CNTRL: variants seen among roughly 807,000 people sequenced by gnomAD.
CNTRL encodes the protein centriolin, also known as 110 kDa centrosomal protein.
CNTRL carries 233 observed loss-of-function variants against 303.7 expected under a neutral mutation model. That is an observed-to-expected ratio of 0.77 (90% CI 0.69 to 0.86). The LOEUF is 0.86. Among genes scored for constraint, CNTRL ranks in the 40% least tolerant of loss-of-function variants. The pLI, the probability that CNTRL is intolerant of heterozygous loss-of-function variation, is 0.00. For synonymous variants in CNTRL, 900 were observed against 922.2 expected (o/e 0.98, Z 0.44); for missense variants, 2,524 against 2,650.6 (o/e 0.95, Z 1.05).
intron 23 of CNTRL, among the ~76,000 whole-genome samples, chr9:121,147,546 A>T (rs78337196): frequency 1.1e-3 from 167 of 152,230 alleles, no homozygotes; most frequent in East Asian, 7.7e-4. Context: ...GGGAAAGAGG[A>T]GATGAGATTA....
rs138624859 is a variant in CNTRL at position 121,163,259 on chromosome 9, G to A, written c.5423+988G>A. 7.2e-3 allele frequency among the ~76,000 whole-genome samples: 1,085 copies of A among 150,308 alleles called. 11 individuals are homozygous for A. Among genetic ancestry groups the A allele is most frequent in the African/African-American group, 0.025 (1,024 of 41,180 alleles). On this transcript the variant is annotated intron_variant, in intron 34 of 43. Transcript: ENST00000373855. ...TGTTTGAGCCAGGGAGATTGAGGCT[G>A]CAGTGAGCCATAATGATACCATTGC...
chr9:121,148,147 A>G (rs899325133), intron 23 of CNTRL, among the ~76,000 whole-genome samples: 1 of 152,218 alleles, frequency 6.6e-6, no homozygotes, highest in Non-Finnish European at 1.5e-5. Context: ...TCTCATCACT[A>G]TGGAGAACTT....
Position 121,167,609 on chromosome 9 carries a change from C to G in CNTRL, c.5776C>G (p.Gln1926Glu), listed in dbSNP as rs2053146749. ...CTGTCAGAAAGAAGAGGAGACAAAA[C>G]AACAACAACTTCAAGTGCTTCAGAA... is the stretch of plus-strand genomic sequence containing the variant. Reference protein sequence around the residue: ...EDCQKEEETKQQQLQVLQNEI... With the variant: ...EDCQKEEETKEQQLQVLQNEI... The change falls in exon 37 of 44, where the codon CAA becomes GAA. Residue 1926 changes from glutamine to glutamate, a missense_variant. Coordinates refer to ENST00000373855, the MANE Select transcript of CNTRL (RefSeq NM_007018.6). 1 of 1,613,908 alleles carries G rather than the reference C, an allele frequency of 6.2e-7. No individual in the cohort carries two copies. Among genetic ancestry groups the G allele is most frequent in the Admixed American group, 1.7e-5 (1 of 59,990 alleles).
intron 42 of CNTRL, among the ~76,000 whole-genome samples, 198 bp from the exon 43 acceptor site, chr9:121,174,820 G>C (rs999869132): frequency 2.6e-5 from 4 of 152,120 alleles, no homozygotes; most frequent in Admixed American, 2.6e-4. Context: ...CCCCGTTAAT[G>C]ACAACACAGA....
In CNTRL at chr9:121,171,582, G is replaced by A; in HGVS notation, c.6417+34G>A. 3.1e-6 allele frequency: 5 copies of A among 1,604,260 alleles called. No homozygotes were observed. The South Asian group carries it at 5.6e-5, about 18-fold the overall frequency. ...CCAGAAAGCCCAGCTGGCCAGCCTG[G>A]GGAGAGAGGACTCACTGGGCTCAGG... On this transcript the variant is annotated intron_variant, in intron 40 of 43. Coordinates refer to ENST00000373855, the MANE Select transcript of CNTRL (RefSeq NM_007018.6).
chr9:121,143,245 A>G (rs146030462), intron 19 of CNTRL, among the ~76,000 whole-genome samples: 2 of 152,178 alleles, frequency 1.3e-5, no homozygotes, highest in East Asian at 1.9e-4. Context: ...TCCAAGTCCT[A>G]TTGAATCCAT....
chr9:121,121,944 A>G (rs2133388840), intron 12 of CNTRL: 1 of 984,790 alleles, frequency 1.0e-6, no homozygotes, highest in Non-Finnish European at 1.2e-6. Flanking sequence ...GATAAATTTT[A>G]AGTTAAGGTA....
intron 15 of CNTRL, among the ~76,000 whole-genome samples, chr9:121,137,894 A>G (rs2133912520): frequency 6.6e-6 from 1 of 152,204 alleles, no homozygotes; most frequent in East Asian, 1.9e-4. Flanking sequence ...TGGCCTTTTC[A>G]CCAATTCACT....
intron 7 of CNTRL, among the ~76,000 whole-genome samples, chr9:121,101,680 A>G (rs2049176778): frequency 6.6e-6 from 1 of 152,172 alleles, no homozygotes; most frequent in Non-Finnish European, 1.5e-5. Flanking sequence ...GAAAAGAGAG[A>G]AGAATCAAAT....
At chr9:121,077,406 C>A (rs1007783775) in intron 1 of CNTRL, among the ~76,000 whole-genome samples, 1 of 151,942 alleles carries the variant, frequency 6.6e-6, no homozygotes, top group African/African-American at 2.4e-5. Context: ...CACCTCCAGG[C>A]AGTAGCCTAA....
Position 121,074,966 on chromosome 9 carries a change from C to T in CNTRL, c.-306C>T. 1 of 456,234 alleles carries T rather than the reference C, an allele frequency of 2.2e-6. No individual in the cohort carries two copies. Among genetic ancestry groups the T allele is most frequent in the South Asian group, 1.5e-5 (1 of 64,554 alleles). The allele number at this position is 456,234 out of a possible 1,614,324, so 28.3% of individuals were successfully genotyped here. ...CGCGGCCCCTCGGCAACCGGCACAA[C>T]ACAACAAAATGGCTGCCGCGCCGCT... On this transcript the variant is annotated 5_prime_UTR_variant, in exon 1 of 44. Transcript: ENST00000373855.
At chr9:121,132,627 A>G (rs2050933184) in intron 14 of CNTRL, among the ~76,000 whole-genome samples, 1 of 152,150 alleles carries the variant, frequency 6.6e-6, no homozygotes, top group Non-Finnish European at 1.5e-5. Flanking sequence ...TCTGAAGCCT[A>G]CTTCTGTCAG....
At chr9:121,114,515 G>A (rs940118260) in intron 10 of CNTRL, among the ~76,000 whole-genome samples, 19 of 152,266 alleles carry the variant, frequency 1.2e-4, no homozygotes, top group Admixed American at 8.5e-4. Flanking sequence ...AGGCTCTGGG[G>A]GAAAGCAAAA....
At position 121,144,920 on chromosome 9, in the gene CNTRL, C is replaced by A. The variant is rs767577826; in HGVS notation, c.3129C>A (p.Ile1043=). 6.2e-7 allele frequency: 1 copy of A among 1,613,496 alleles called. No homozygotes were observed. Among genetic ancestry groups the A allele is most frequent in the South Asian group, 1.1e-5 (1 of 91,012 alleles). The change falls in exon 21 of 44, where the codon ATC becomes ATA. Residue 1043 remains isoleucine (I), a synonymous_variant. Coordinates refer to ENST00000373855, the MANE Select transcript of CNTRL (RefSeq NM_007018.6). ...ATCTCACCCGAGCAGAAGCTGAGAT[C>A]GAACTCCTGCAGAATCTCCTCAGGC... The part of the protein sequence containing the change: ...ARDLTRAEAE[I]ELLQNLLRQK...
chr9:121,107,760 G>A (rs947917646), intron 7 of CNTRL, 42 bp from the exon 8 acceptor site: 12 of 1,185,882 alleles, frequency 1.0e-5, no homozygotes, highest in Non-Finnish European at 1.4e-5. Flanking sequence ...TTTAAAAATA[G>A]GAAATATAAT....
chr9:121,110,432 A>G (rs2049695280), intron 8 of CNTRL, among the ~76,000 whole-genome samples: 1 of 152,138 alleles, frequency 6.6e-6, no homozygotes, highest in Non-Finnish European at 1.5e-5. Flanking sequence ...ATGTCTTCCT[A>G]TGGTAAGTTG....
intron 3 of CNTRL, among the ~76,000 whole-genome samples, chr9:121,089,940 TTA>T (rs2048490333): frequency 6.6e-6 from 1 of 152,108 alleles, no homozygotes; most frequent in Non-Finnish European, 1.5e-5. Flanking sequence ...CACCAAATAT[TTA>T]TAGTGTGTAT....
At chr9:121,090,636 A>G (rs2048526701) in intron 4 of CNTRL, among the ~76,000 whole-genome samples, 1 of 152,244 alleles carries the variant, frequency 6.6e-6, no homozygotes, top group South Asian at 2.1e-4. Context: ...TACAGCTTAC[A>G]GGCCAGATCA....
chr9:121,108,392 T>C (rs1389603978), intron 8 of CNTRL, among the ~76,000 whole-genome samples: 1 of 152,160 alleles, frequency 6.6e-6, no homozygotes, highest in African/African-American at 2.4e-5. Flanking sequence ...TGGTGCACGT[T>C]ACTCAGCCCA....
Sources: gnomAD v4.1 joint callset for allele counts (sites outside exome capture counted in the v4.1 genomes callset) on GRCh38, gnomAD v4.1.1 for gene constraint, MANE v1.5 for transcripts, NCBI Gene and HGNC (gene_info 2026-07-23, HGNC 2026-07-21) for gene names.